Variants in C1QTNF3 observed in about 807,000 individuals in gnomAD.
C1QTNF3 encodes complement C1q tumor necrosis factor-related protein 3.
In C1QTNF3, 26 loss-of-function variants were observed where a neutral mutation model predicts 32.6. The ratio of observed to expected loss-of-function variants is 0.80; its 90% CI spans 0.58 to 1.11. C1QTNF3 has a LOEUF of 1.11. C1QTNF3 is among the 50% of genes least tolerant of loss of function. C1QTNF3 has a pLI of 0.00. For synonymous variants in C1QTNF3, 155 were observed against 146.0 expected, an observed-to-expected ratio of 1.06 and a Z score of -0.44; for missense variants, 362 against 398.2, an observed-to-expected ratio of 0.91 and a Z score of 0.77.
the C1QTNF3 span, among the ~76,000 whole-genome samples, chr5:34,096,335 TG>T: frequency 1.4e-5 from 2 of 147,608 alleles, no homozygotes; most frequent in Non-Finnish European, 3.0e-5. Context: ...AGATAGCTGA[TG>T]CTACAAAAGG....
At chr5:34,234,726 C>T in the C1QTNF3 span, among the ~76,000 whole-genome samples, 781 of 152,246 alleles carry the variant, frequency 5.1e-3, 3 homozygotes, top group Non-Finnish European at 8.9e-3. Context: ...GTGGAAATAA[C>T]TTTAAGGTCC....
At chr5:34,038,993 C>T (rs769055827) in intron 1 of C1QTNF3, among the ~76,000 whole-genome samples, 4 of 152,152 alleles carry the variant, frequency 2.6e-5, no homozygotes, top group African/African-American at 7.2e-5. Context: ...AACTGGTTAT[C>T]GGCAGCTTCC....
chr5:34,075,640 A>C, the C1QTNF3 span, among the ~76,000 whole-genome samples: 2 of 151,546 alleles, frequency 1.3e-5, no homozygotes, highest in Non-Finnish European at 2.9e-5. Flanking sequence ...TGTTGGTAGG[A>C]AATTAAAAGG....
intron 4 of C1QTNF3, among the ~76,000 whole-genome samples, chr5:34,026,612 T>C (rs1364201847): frequency 1.3e-5 from 2 of 152,004 alleles, no homozygotes; most frequent in Non-Finnish European, 2.9e-5. Context: ...AAACGCACAT[T>C]AGGGCCATAC....
At chr5:34,042,793 C>T (rs1561062319) in intron 1 of C1QTNF3, 30 bp downstream of exon 1, 2 of 1,582,298 alleles carry the variant, frequency 1.3e-6, no homozygotes, top group Non-Finnish European at 1.7e-6. Flanking sequence ...TAAGCTTTCA[C>T]AAAAATCCTT....
At chr5:34,022,932 T>C (rs997002129) in intron 5 of C1QTNF3, among the ~76,000 whole-genome samples, 1 of 152,238 alleles carries the variant, frequency 6.6e-6, no homozygotes, top group Non-Finnish European at 1.5e-5. Flanking sequence ...CTCAGCTTAC[T>C]GCAAGTTCCG....
At chr5:34,048,669 G>C in the C1QTNF3 span, among the ~76,000 whole-genome samples, 1 of 142,756 alleles carries the variant, frequency 7.0e-6, no homozygotes, top group South Asian at 2.3e-4. Flanking sequence ...CCATTGCTCA[G>C]ATGACACAAA....
chr5:34,160,380 A>T, the C1QTNF3 span, among the ~76,000 whole-genome samples: 1 of 152,216 alleles, frequency 6.6e-6, no homozygotes, highest in African/African-American at 2.4e-5. Flanking sequence ...TTTAAATTAT[A>T]TGGACGTGTA....
the C1QTNF3 span, among the ~76,000 whole-genome samples, chr5:34,053,130 A>G: frequency 6.6e-6 from 1 of 152,230 alleles, no homozygotes; most frequent in East Asian, 1.9e-4. Context: ...TAATCCTTAT[A>G]AAACCTTGAG....
chr5:34,082,781 T>C, the C1QTNF3 span, among the ~76,000 whole-genome samples: 2 of 151,762 alleles, frequency 1.3e-5, no homozygotes, highest in African/African-American at 2.4e-5. Flanking sequence ...AACGTAATTA[T>C]ACAGCAAATG....
chr5:34,228,745 G>A, the C1QTNF3 span, among the ~76,000 whole-genome samples: 1 of 151,976 alleles, frequency 6.6e-6, no homozygotes, highest in Non-Finnish European at 1.5e-5. Context: ...TGCATATCTT[G>A]AGTTTTCATT....
the C1QTNF3 span, among the ~76,000 whole-genome samples, chr5:34,063,589 C>T: frequency 6.6e-6 from 1 of 152,068 alleles, no homozygotes; most frequent in Non-Finnish European, 1.5e-5. Context: ...GAGCAATCTT[C>T]CTAGCCATTT....
chr5:34,222,779 T>C, the C1QTNF3 span, among the ~76,000 whole-genome samples: 1 of 152,054 alleles, frequency 6.6e-6, no homozygotes, highest in Non-Finnish European at 1.5e-5. Context: ...CAATTTCATA[T>C]ATTTTCTCAT....
the C1QTNF3 span, among the ~76,000 whole-genome samples, chr5:34,076,575 G>T: frequency 6.6e-6 from 1 of 151,400 alleles, no homozygotes; most frequent in African/African-American, 2.5e-5. Flanking sequence ...ATTTCAGAGT[G>T]GCAGAGGCTT....
chr5:34,165,635 T>C, the C1QTNF3 span: 2 of 152,010 alleles, frequency 1.3e-5, no homozygotes, highest in Admixed American at 1.3e-4. Context: ...GAAGAAGTCT[T>C]TTTATATGTC....
At chr5:34,132,406 A>AT in the C1QTNF3 span, among the ~76,000 whole-genome samples, 1 of 143,492 alleles carries the variant, frequency 7.0e-6, no homozygotes, top group Non-Finnish European at 1.5e-5. Flanking sequence ...CAACAACAAA[A>AT]ATATATATAT....
At chr5:34,107,859 A>T in the C1QTNF3 span, among the ~76,000 whole-genome samples, 1 of 152,048 alleles carries the variant, frequency 6.6e-6, no homozygotes, top group Non-Finnish European at 1.5e-5. Context: ...CACCAGCACA[A>T]AATACTCAAG....
chr5:34,116,761 A>C, the C1QTNF3 span, among the ~76,000 whole-genome samples: 1 of 151,528 alleles, frequency 6.6e-6, no homozygotes, highest in South Asian at 2.1e-4. Context: ...CGCCCAGCTA[A>C]TTTTTTGTAT....
chr5:34,158,741 A>G, the C1QTNF3 span: 1 of 152,166 alleles, frequency 6.6e-6, no homozygotes, highest in South Asian at 2.1e-4. Flanking sequence ...GACCTTCTAT[A>G]TAAATGATTC....
Sources: gnomAD v4.1 joint callset for allele counts (sites outside exome capture counted in the v4.1 genomes callset) on GRCh38, gnomAD v4.1.1 for gene constraint, MANE v1.5 for transcripts, NCBI Gene and HGNC (gene_info 2026-07-23, HGNC 2026-07-21) for gene names.